Variants in TMEM114 observed in about 807,000 individuals in gnomAD.
The protein encoded by TMEM114 is claudin-26.
Under a neutral mutation model 6.2 loss-of-function variants are expected in TMEM114, and 6 were observed. The observed-to-expected ratio is 0.97, with a 90% CI of 0.53 to 1.91. The LOEUF (loss-of-function observed/expected upper bound fraction) is 1.91. Ranked by LOEUF, TMEM114 falls within the 40% of genes most tolerant of loss-of-function variation. The pLI is 0.01. For missense variants in TMEM114, 218 were observed against 158.3 expected (o/e 1.38, Z -2.02); for synonymous variants, 104 against 73.0 (o/e 1.42, Z -2.16).
chr16:8,551,246 A>G (rs1217556635), intron 2 of TMEM114, among the ~76,000 whole-genome samples: 1 of 152,136 alleles, frequency 6.6e-6, no homozygotes, highest in Non-Finnish European at 1.5e-5. Context: ...AGGCAGGGGA[A>G]ATGCAAGTTT....
At chr16:8,526,668 T>C in the TMEM114 span, 84,884 of 152,236 alleles carry the variant, frequency 0.56, 23,813 homozygotes, top group South Asian at 0.62. Context: ...CTGCTGTGCT[T>C]CTTGTACAGC....
intron 2 of TMEM114, among the ~76,000 whole-genome samples, chr16:8,579,990 G>C (rs1469138632): frequency 1.3e-5 from 2 of 152,076 alleles, no homozygotes; most frequent in Non-Finnish European, 2.9e-5. Flanking sequence ...AGAAGTAGGA[G>C]AGGGATTCCC....
downstream of TMEM114, among the ~76,000 whole-genome samples, chr16:8,569,018 A>T (rs998072874): frequency 4.4e-4 from 67 of 152,330 alleles, no homozygotes; most frequent in African/African-American, 1.5e-3. Flanking sequence ...GGCTTCACCC[A>T]GGCCTCCTGG....
chr16:8,547,968 G>A (rs1900724119), intron 2 of TMEM114, among the ~76,000 whole-genome samples: 1 of 152,162 alleles, frequency 6.6e-6, no homozygotes, highest in Non-Finnish European at 1.5e-5. Context: ...CTGTGGAAAT[G>A]ATTCCCAGTC....
At chr16:8,571,985 C>T (rs900417915) in intron 3 of TMEM114, 102 bp downstream of exon 3, 52 of 1,361,398 alleles carry the variant, frequency 3.8e-5, no homozygotes, top group Non-Finnish European at 4.7e-5. Context: ...CTGAACCCCA[C>T]GAGGCCCTGG....
At chr16:8,561,794 T>TAGTGAATGAGTGAGTGAAGGAGGG (rs1361612998) in intron 2 of TMEM114, among the ~76,000 whole-genome samples, 13 of 144,102 alleles carry the variant, frequency 9.0e-5, no homozygotes, top group African/African-American at 3.5e-4. Flanking sequence ...AATCAGTGAA[T>TAGTGAATGAGTGAGTGAAGGAGGG]AGTGAATGAG....
intron 2 of TMEM114, among the ~76,000 whole-genome samples, chr16:8,544,907 C>G (rs1270038002): frequency 6.7e-6 from 1 of 149,566 alleles, no homozygotes; most frequent in Non-Finnish European, 1.5e-5. Context: ...GGTTACTCTT[C>G]TCCTCAACAT....
chr16:8,550,699 C>G (rs111407968), intron 2 of TMEM114, among the ~76,000 whole-genome samples: 2 of 119,220 alleles, frequency 1.7e-5, no homozygotes, highest in African/African-American at 8.5e-5. Context: ...AAAAAAAAAA[C>G]CAAAAAAAAA....
At chr16:8,563,325 A>ATGAGTGAGTAAATGAG (rs1555463699) in intron 2 of TMEM114, among the ~76,000 whole-genome samples, 3 of 115,788 alleles carry the variant, frequency 2.6e-5, no homozygotes, top group Non-Finnish European at 5.5e-5. Context: ...GAGGGAGGGT[A>ATGAGTGAGTAAATGAG]TGAGTGAGTG....
chr16:8,560,622 C>T (rs1462114459), intron 2 of TMEM114, among the ~76,000 whole-genome samples: 2 of 152,154 alleles, frequency 1.3e-5, no homozygotes, highest in Non-Finnish European at 2.9e-5. Flanking sequence ...TCGAGTCTCA[C>T]CCTGGTTTCT....
intron 2 of TMEM114, among the ~76,000 whole-genome samples, chr16:8,556,381 C>G (rs1046484937): frequency 2.0e-5 from 3 of 152,132 alleles, no homozygotes; most frequent in African/African-American, 7.2e-5. Context: ...GGGGTGAAAA[C>G]ATTCATCCTT....
chr16:8,565,801 C>G (rs1282935428), downstream of TMEM114, among the ~76,000 whole-genome samples: 2 of 152,186 alleles, frequency 1.3e-5, no homozygotes, highest in Non-Finnish European at 2.9e-5. Flanking sequence ...ATGCCCAGGT[C>G]CGCCCTCGAG....
chr16:8,578,402 C>T (rs1902015923), intron 2 of TMEM114, among the ~76,000 whole-genome samples: 1 of 151,748 alleles, frequency 6.6e-6, no homozygotes, highest in Admixed American at 6.6e-5. Context: ...CACTCCAATC[C>T]CTACCTCCAT....
At chr16:8,560,995 C>G (rs79782498) in intron 2 of TMEM114, among the ~76,000 whole-genome samples, 11,210 of 152,216 alleles carry the variant, frequency 0.074, 563 homozygotes, top group Middle Eastern at 0.13. Context: ...GAATGAGAGC[C>G]AAGCAAAAGA....
chr16:8,559,767 C>T (rs1373618171), intron 2 of TMEM114, among the ~76,000 whole-genome samples: 1 of 152,146 alleles, frequency 6.6e-6, no homozygotes, highest in Non-Finnish European at 1.5e-5. Flanking sequence ...CTGCCGACTT[C>T]GTTCTGCTGA....
At chr16:8,567,055 C>T (rs891445146), downstream of TMEM114, among the ~76,000 whole-genome samples, 6 of 134,108 alleles carry the variant, frequency 4.5e-5, no homozygotes, top group Admixed American at 7.9e-5. Flanking sequence ...CGCGTGTTAC[C>T]ACAGCTGGCT....
downstream of TMEM114, among the ~76,000 whole-genome samples, chr16:8,565,825 T>G (rs1901524325): frequency 6.6e-6 from 1 of 152,202 alleles, no homozygotes; most frequent in South Asian, 2.1e-4. Flanking sequence ...CTGATTGCAT[T>G]TGGCTCCATT....
chr16:8,588,411 G>T (rs1161988244), intron 2 of TMEM114, among the ~76,000 whole-genome samples: 2 of 152,078 alleles, frequency 1.3e-5, no homozygotes, highest in African/African-American at 2.4e-5. Context: ...CAGAAATGAC[G>T]ATACTAATAA....
downstream of TMEM114, chr16:8,537,508 A>G (rs1371421006): frequency 6.6e-6 from 1 of 152,202 alleles, no homozygotes; most frequent in African/African-American, 2.4e-5. Flanking sequence ...CTCAAAAACA[A>G]ACAAACAAAC....
Sources: allele counts gnomAD v4.1 joint callset (sites outside exome capture counted in the v4.1 genomes callset), GRCh38; gene constraint gnomAD v4.1.1; transcripts MANE v1.5; gene names NCBI Gene and HGNC (gene_info 2026-07-23, HGNC 2026-07-21).